The following HHIPL1 variants were observed in gnomAD, a reference collection of about 807,000 sequenced individuals.
HHIPL1 encodes the protein HHIP-like protein 1.
A neutral mutation model predicts 61.8 loss-of-function variants in HHIPL1; 43 were observed. The observed-to-expected ratio is 0.70, with a 90% CI of 0.55 to 0.90. The LOEUF is 0.90. Ranked by LOEUF, HHIPL1 falls within the 40% of genes least tolerant of loss-of-function variation. HHIPL1 has a pLI of 0.00. For synonymous variants in HHIPL1, 482 were observed against 515.8 expected (o/e 0.93, Z 0.89); for missense variants, 1,056 against 1,157.7 (o/e 0.91, Z 1.28).
At chr14:99,651,904 C>T (rs370246189) in intron 1 of HHIPL1, among the ~76,000 whole-genome samples, 4 of 152,128 alleles carry the variant, frequency 2.6e-5, no homozygotes, top group Admixed American at 6.5e-5. Flanking sequence ...GATGTAGGGG[C>T]GGAGGCGCAC....
the HHIPL1 span, among the ~76,000 whole-genome samples, chr14:99,638,018 G>A: frequency 6.6e-6 from 1 of 152,236 alleles, no homozygotes; most frequent in Admixed American, 6.5e-5. Flanking sequence ...AGGGAGCGTG[G>A]TCAAATGTTA....
rs1483698259 is a variant in HHIPL1 at position 99,668,866 on chromosome 14, C to G, written c.1730+563C>G. On this transcript the variant is annotated intron_variant, in intron 7 of 8. Transcript: ENST00000330710. This position sits in a 1 kb window ranked among gnomAD's most constrained non-coding sequence, Gnocchi z 4.7. ...CAGAAGCGCCATGCCCGGCTATGTCCCAGCTCCTTCCGTGTGCAGCTCATT... is the reference window on the plus strand; with the variant it reads ...CAGAAGCGCCATGCCCGGCTATGTCGCAGCTCCTTCCGTGTGCAGCTCATT... The G allele has an allele frequency of 1.2e-6, 2 of 1,614,098 alleles. No individual in the cohort carries two copies. Among genetic ancestry groups the G allele is most frequent in the Non-Finnish European group, 1.7e-6 (2 of 1,180,028 alleles).
chr14:99,641,036 G>A (rs1018183185), upstream of HHIPL1, among the ~76,000 whole-genome samples: 24 of 151,738 alleles, frequency 1.6e-4, no homozygotes, highest in Non-Finnish European at 2.2e-4. Flanking sequence ...ACAGGCATCC[G>A]CCACCACACC....
At chr14:99,667,965 C>T (rs550906306) in intron 6 of HHIPL1, among the ~76,000 whole-genome samples, 1 of 152,178 alleles carries the variant, frequency 6.6e-6, no homozygotes, top group Non-Finnish European at 1.5e-5. Context: ...AGATCTGAGC[C>T]TGGGTGGGTC....
At chr14:99,642,770 C>T (rs1237234319), upstream of HHIPL1, among the ~76,000 whole-genome samples, 1 of 152,080 alleles carries the variant, frequency 6.6e-6, no homozygotes, top group Non-Finnish European at 1.5e-5. Flanking sequence ...GTGATCCGCC[C>T]ACCTTGGCCT....
At chr14:99,647,105 T>C (rs1595146113) in intron 1 of HHIPL1, among the ~76,000 whole-genome samples, 1 of 151,910 alleles carries the variant, frequency 6.6e-6, no homozygotes, top group East Asian at 1.9e-4. Flanking sequence ...CCAGCGGTGG[T>C]TGAGGTGGGG....
chr14:99,639,418 C>T, the HHIPL1 span, among the ~76,000 whole-genome samples: 14 of 152,134 alleles, frequency 9.2e-5, no homozygotes, highest in African/African-American at 3.1e-4. Context: ...GATCATGGCT[C>T]ACTGCAGCGT....
At chr14:99,631,048 T>TTTTC in the HHIPL1 span, among the ~76,000 whole-genome samples, 16,470 of 119,940 alleles carry the variant, frequency 0.14, 1,241 homozygotes, top group East Asian at 0.23. Flanking sequence ...AGTGGCTCCA[T>TTTTC]TTTCTTTCTT....
At chr14:99,655,513 A>G (rs2056013752) in intron 2 of HHIPL1, among the ~76,000 whole-genome samples, 1 of 152,072 alleles carries the variant, frequency 6.6e-6, no homozygotes, top group Admixed American at 6.5e-5. Flanking sequence ...AGTCTCAGCT[A>G]CTCAGGAGGC....
the HHIPL1 span, among the ~76,000 whole-genome samples, chr14:99,605,534 G>T: frequency 6.6e-6 from 1 of 152,218 alleles, no homozygotes; most frequent in Non-Finnish European, 1.5e-5. Flanking sequence ...TGTACTCAGC[G>T]CCTACTCGCC....
the HHIPL1 span, among the ~76,000 whole-genome samples, chr14:99,616,785 C>T: frequency 6.6e-6 from 1 of 152,122 alleles, no homozygotes; most frequent in East Asian, 1.9e-4. Context: ...TAGAGGACCA[C>T]AGAATGATCA....
the HHIPL1 span, among the ~76,000 whole-genome samples, chr14:99,618,632 G>A: frequency 5.2e-3 from 792 of 152,352 alleles, 4 homozygotes; most frequent in African/African-American, 0.018. Flanking sequence ...AAAACCTAGC[G>A]GCATTGGCAG....
intron 6 of HHIPL1, among the ~76,000 whole-genome samples, chr14:99,665,045 C>G (rs565432588): frequency 2.0e-5 from 3 of 152,140 alleles, no homozygotes; most frequent in Non-Finnish European, 4.4e-5. Context: ...TACCTCAGCC[C>G]CCGGAGCAGC....
In HHIPL1 at chr14:99,679,971, C is replaced by T. The variant is rs930090423; in HGVS notation, c.*4345C>T. On this transcript the variant is annotated 3_prime_UTR_variant, in exon 9 of 9. Transcript: ENST00000330710. The stretch of plus-strand genomic sequence containing the variant: ...CTCCCCCACTGAGAACTAGCTTTTA[C>T]TGAGCAGTTATTACATGCCAGCTAC... 2.6e-5 allele frequency: 4 copies of T among 152,278 alleles called. No individual in the cohort carries two copies. Among genetic ancestry groups the T allele is most frequent in the African/African-American group, 9.6e-5 (4 of 41,460 alleles). 9.4% of individuals were successfully genotyped at this position (152,278 alleles called of 1,614,324 possible).
chr14:99,626,037 C>T, the HHIPL1 span, among the ~76,000 whole-genome samples: 4 of 152,280 alleles, frequency 2.6e-5, no homozygotes, highest in South Asian at 2.1e-4. Flanking sequence ...ATTGCTACCC[C>T]GTCAGGTGGG....
intron 6 of HHIPL1, among the ~76,000 whole-genome samples, chr14:99,665,850 C>T (rs146276523): frequency 0.021 from 3,164 of 151,614 alleles, 98 homozygotes; most frequent in African/African-American, 0.072. Context: ...GGTGTGATCT[C>T]GGCTCACTGC....
chr14:99,621,682 G>A, the HHIPL1 span, among the ~76,000 whole-genome samples: 1 of 149,692 alleles, frequency 6.7e-6, no homozygotes, highest in African/African-American at 2.5e-5. Flanking sequence ...CTCAACCTCA[G>A]AGGATTCCCT....
At chr14:99,634,194 G>A in the HHIPL1 span, among the ~76,000 whole-genome samples, 1 of 152,200 alleles carries the variant, frequency 6.6e-6, no homozygotes, top group Non-Finnish European at 1.5e-5. Context: ...CAGCGAGAGA[G>A]GGCACGTATG....
chr14:99,629,556 G>A, the HHIPL1 span, among the ~76,000 whole-genome samples: 7 of 152,004 alleles, frequency 4.6e-5, no homozygotes, highest in Non-Finnish European at 1.0e-4. Flanking sequence ...GGAGTGCAGT[G>A]GCACAATCTT....
Sources: allele counts gnomAD v4.1 joint callset (sites outside exome capture counted in the v4.1 genomes callset), GRCh38; gene constraint gnomAD v4.1.1; non-coding constraint Gnocchi (gnomAD v3.1); transcripts MANE v1.5; gene names NCBI Gene and HGNC (gene_info 2026-07-23, HGNC 2026-07-21).